The following LTBP1 variants were observed in gnomAD, a reference collection of about 807,000 sequenced individuals.
The protein encoded by LTBP1 is latent transforming growth factor beta binding protein 1.
Under a neutral mutation model 207.6 loss-of-function variants are expected in LTBP1, and 129 were observed. The ratio of observed to expected loss-of-function variants is 0.62; its 90% CI spans 0.54 to 0.72. The LOEUF is 0.72. LTBP1 is among the 30% of genes least tolerant of loss of function. LTBP1 has a pLI of 0.00. For synonymous variants in LTBP1, 963 were observed against 833.7 expected (o/e 1.16, Z -2.67); for missense variants, 2,281 against 2,217.2 (o/e 1.03, Z -0.58).
intron 2 of LTBP1, among the ~76,000 whole-genome samples, chr2:32,989,198 A>G (rs1424202804): frequency 2.0e-5 from 3 of 152,238 alleles, no homozygotes; most frequent in African/African-American, 7.2e-5. Context: ...AGACAGATAT[A>G]AAATGAACAT....
rs183918796 is a variant in LTBP1, at chr2:33,198,250, A to C, written c.1701+9399A>C. Among the ~76,000 whole-genome samples, 503 of 152,302 alleles carry C rather than the reference A, an allele frequency of 3.3e-3. 1 individual carries two copies. The highest frequency in any genetic ancestry group is 6.8e-3 in the Middle Eastern group (2 of 294). ...GCCTTGCATCCCAGGGATGAAGCCC[A>C]CTTGATCATGGTGGATAAGCTTTTT... is the stretch of plus-strand genomic sequence containing the variant. On this transcript the variant is annotated intron_variant, in intron 7 of 33. Coordinates refer to ENST00000404816, the MANE Select transcript of LTBP1 (RefSeq NM_206943.4).
chr2:33,259,620 T>C lies in LTBP1; in HGVS notation c.2418+10T>C. ...TGCACCCCCTGAAAAGGTAATTTAT[T>C]CATTGCTTGCAAGTCTTTTTTTTTC... On this transcript the variant is annotated intron_variant, in intron 13 of 33. Transcript: ENST00000404816. The C allele has an allele frequency of 6.2e-7, 1 of 1,603,122 alleles. No homozygotes were observed. Among genetic ancestry groups the C allele is most frequent in the Non-Finnish European group, 8.5e-7 (1 of 1,175,528 alleles).
intron 7 of LTBP1, among the ~76,000 whole-genome samples, chr2:33,213,146 G>A (rs1173982744): frequency 6.6e-6 from 1 of 152,098 alleles, no homozygotes; most frequent in Non-Finnish European, 1.5e-5. Context: ...GCTGTGTAGG[G>A]TTGTAGTGTC....
intron 3 of LTBP1, among the ~76,000 whole-genome samples, chr2:33,041,606 C>T (rs929434325): frequency 2.0e-5 from 3 of 152,220 alleles, no homozygotes; most frequent in Admixed American, 2.0e-4. Context: ...TCTGTATTCC[C>T]AGTGCCTAAT....
rs183398708 is a variant in LTBP1, at chr2:33,017,817, C to T, written c.566-3092C>T. On this transcript the variant is annotated intron_variant, in intron 2 of 33. Transcript: ENST00000404816. ...ATTTTTAGTAGAGACGGGGTTTCAC[C>T]GTGTTAACCAGGATGGTCTCAATCT... Among the ~76,000 whole-genome samples, 568 of 152,210 alleles carry T rather than the reference C, an allele frequency of 3.7e-3. 4 individuals are homozygous for T. Among genetic ancestry groups the T allele is most frequent in the African/African-American group, 0.013 (546 of 41,544 alleles).
Position 33,248,361 on chromosome 2 carries a change from C to G in LTBP1, c.2000-4316C>G, listed in dbSNP as rs547419425. Reference sequence around the variant, plus strand: ...ATAGAGGGGTTAGGGATCTTTCCAACAGTCATACAGTCCATAAAGGGTAGA... The same window carrying G: ...ATAGAGGGGTTAGGGATCTTTCCAAGAGTCATACAGTCCATAAAGGGTAGA... On this transcript the variant is annotated intron_variant, in intron 10 of 33. Transcript: ENST00000404816. Among the ~76,000 whole-genome samples the G allele has an allele frequency of 2.0e-5, 3 of 152,234 alleles. No individual in the cohort carries two copies. The South Asian group carries it at 6.2e-4, about 32-fold the overall frequency.
At chr2:33,139,008 G>A (rs550025966) in intron 5 of LTBP1, among the ~76,000 whole-genome samples, 153 of 150,756 alleles carry the variant, frequency 1.0e-3, no homozygotes, top group African/African-American at 3.3e-3. Flanking sequence ...ACAGGCGCCC[G>A]CTACCACGCC....
At chr2:33,192,027 G>A (rs1265650930) in intron 7 of LTBP1, among the ~76,000 whole-genome samples, 1 of 152,112 alleles carries the variant, frequency 6.6e-6, no homozygotes, top group Non-Finnish European at 1.5e-5. Context: ...GAGGGTGGAG[G>A]AAAATGGATG....
intron 2 of LTBP1, 119 bp downstream of exon 2, chr2:32,949,064 C>T: frequency 1.1e-6 from 1 of 937,522 alleles, no homozygotes; most frequent in South Asian, 1.4e-5. Context: ...GTCTGAAATA[C>T]AATCCACCCA....
At chr2:33,274,591 C>G (rs901449960) in intron 16 of LTBP1, among the ~76,000 whole-genome samples, 1 of 152,218 alleles carries the variant, frequency 6.6e-6, no homozygotes, top group Non-Finnish European at 1.5e-5. Flanking sequence ...CCTAATCCAA[C>G]TCCATCCACA....
intron 7 of LTBP1, among the ~76,000 whole-genome samples, chr2:33,215,292 T>A (rs2090594742): frequency 6.6e-6 from 1 of 152,030 alleles, no homozygotes; most frequent in Non-Finnish European, 1.5e-5. Flanking sequence ...GGTAGGAAAA[T>A]GTCTAAGATA....
intron 2 of LTBP1, among the ~76,000 whole-genome samples, chr2:32,979,040 G>A (rs549969869): frequency 6.6e-6 from 1 of 151,500 alleles, no homozygotes; most frequent in Non-Finnish European, 1.5e-5. Context: ...GTTATCAATT[G>A]TTATGTAGTT....
chr2:33,141,970 CTT>C, intron 5 of LTBP1, among the ~76,000 whole-genome samples: 1 of 152,248 alleles, frequency 6.6e-6, no homozygotes, highest in South Asian at 2.1e-4. Context: ...TCCTGGAATT[CTT>C]GCAGGAGTCT....
chr2:32,947,206 G>A lies in LTBP1; in HGVS notation c.-119G>A. On this transcript the variant is annotated 5_prime_UTR_variant, in exon 1 of 34. Transcript: ENST00000404816. Reference sequence around the variant, plus strand: ...CTCGCCACCGACTTGGTCTCCTCCCGCCTTTCCCGGGCTCTCGGCAGCTCT... The same window carrying A: ...CTCGCCACCGACTTGGTCTCCTCCCACCTTTCCCGGGCTCTCGGCAGCTCT... 2.6e-6 allele frequency: 2 copies of A among 767,014 alleles called. No individual in the cohort carries two copies. Among genetic ancestry groups the A allele is most frequent in the Non-Finnish European group, 1.7e-6 (1 of 572,410 alleles). 47.5% of individuals were successfully genotyped at this position (767,014 alleles called of 1,614,324 possible).
At chr2:33,323,995 A>G (rs1369932587) in intron 24 of LTBP1, among the ~76,000 whole-genome samples, 4 of 152,166 alleles carry the variant, frequency 2.6e-5, no homozygotes, top group South Asian at 2.1e-4. Context: ...CTCTCTGTAT[A>G]GTAAGAATAA....
chr2:33,194,391 G>GT (rs1206515911), intron 7 of LTBP1, among the ~76,000 whole-genome samples: 2 of 152,228 alleles, frequency 1.3e-5, no homozygotes, highest in Non-Finnish European at 2.9e-5. Flanking sequence ...AGTTAGCCAA[G>GT]TTGTGAATTC....
At chr2:33,170,086 G>A (rs912099619) in intron 5 of LTBP1, among the ~76,000 whole-genome samples, 3 of 152,200 alleles carry the variant, frequency 2.0e-5, no homozygotes, top group Non-Finnish European at 2.9e-5. Context: ...TGCAGAAGAC[G>A]GGTGATTTCT....
chr2:33,338,622 G>A (rs889399220), intron 24 of LTBP1, among the ~76,000 whole-genome samples: 1 of 152,192 alleles, frequency 6.6e-6, no homozygotes, highest in Non-Finnish European at 1.5e-5. Context: ...TTGTGGAGTA[G>A]TTAAAGGAGG....
At chr2:33,281,927 A>G (rs1444773551) in intron 19 of LTBP1, among the ~76,000 whole-genome samples, 3 of 152,050 alleles carry the variant, frequency 2.0e-5, no homozygotes, top group Non-Finnish European at 4.4e-5. Flanking sequence ...TCTACCTTAA[A>G]TAACTACAAT....
Sources: gnomAD v4.1 joint callset for allele counts (sites outside exome capture counted in the v4.1 genomes callset) on GRCh38, gnomAD v4.1.1 for gene constraint, MANE v1.5 for transcripts, NCBI Gene and HGNC (gene_info 2026-07-23, HGNC 2026-07-21) for gene names.